Variants in ATAD2B observed in about 807,000 individuals in gnomAD.
The protein encoded by ATAD2B is ATPase family AAA domain-containing protein 2B.
A neutral mutation model predicts 167.6 loss-of-function variants in ATAD2B; 40 were observed. That is an observed-to-expected ratio of 0.24 (90% CI 0.19 to 0.31). The LOEUF is 0.31. Among genes scored for constraint, ATAD2B ranks in the 10% least tolerant of loss-of-function variants. The pLI is 1.00. For synonymous variants in ATAD2B, 579 were observed against 596.5 expected (o/e 0.97, Z 0.43); for missense variants, 1,242 against 1,757.2 (o/e 0.71, Z 5.24).
chr2:23,792,473 A>C (rs1681912143), intron 19 of ATAD2B, among the ~76,000 whole-genome samples: 1 of 152,064 alleles, frequency 6.6e-6, no homozygotes, highest in Non-Finnish European at 1.5e-5. Flanking sequence ...GATCTAAAAA[A>C]AAAAAAAAGA....
intron 23 of ATAD2B, among the ~76,000 whole-genome samples, chr2:23,763,393 A>G (rs1269925149): frequency 6.6e-6 from 1 of 152,214 alleles, no homozygotes; most frequent in Non-Finnish European, 1.5e-5. Context: ...CACCTGTTTT[A>G]AGTGTACAAT....
chr2:23,854,207 T>C (rs1692999505), intron 13 of ATAD2B, among the ~76,000 whole-genome samples: 1 of 151,746 alleles, frequency 6.6e-6, no homozygotes, highest in Admixed American at 6.6e-5. Context: ...ATCGCGCGAC[T>C]GCACTCCAGC....
chr2:23,847,627 T>C (rs1691872638), intron 13 of ATAD2B, among the ~76,000 whole-genome samples: 1 of 151,476 alleles, frequency 6.6e-6, no homozygotes, highest in Non-Finnish European at 1.5e-5. Context: ...CACTACAGCC[T>C]TGGTGAAGGG....
chr2:23,705,826 C>T, the ATAD2B span, among the ~76,000 whole-genome samples: 1 of 152,112 alleles, frequency 6.6e-6, no homozygotes. Flanking sequence ...AGCTGAAATG[C>T]ATTAAGGGAG....
intron 13 of ATAD2B, among the ~76,000 whole-genome samples, chr2:23,847,753 G>A (rs1006849849): frequency 5.3e-5 from 8 of 151,798 alleles, no homozygotes; most frequent in African/African-American, 7.2e-5. Flanking sequence ...TTGGGAGACC[G>A]ATGTGGGCGG....
At position 23,798,233 on chromosome 2, in the gene ATAD2B, C is replaced by T; in HGVS notation, c.2545G>A (p.Ala849Thr). The change falls in exon 19 of 28, where the codon GCA becomes ACA. Residue 849 changes from alanine to threonine, a missense_variant. Around this residue, in one of 9 missense-constraint regions of ATAD2B, gnomAD observed 34 missense variants for 101.1 expected, o/e 0.34. Coordinates refer to ENST00000238789, the MANE Select transcript of ATAD2B (RefSeq NM_017552.4). ...WWEAVSETVRATFLTLLQDIP... is the reference protein window; with the variant it reads ...WWEAVSETVRTTFLTLLQDIP... ...TCTTGTAGCAATGTCAGAAAAGTTG[C>T]TCTCACAGTTTCACTGACAGCTTCC... 1.2e-6 allele frequency: 2 copies of T among 1,610,360 alleles called. No homozygotes were observed. The highest frequency in any genetic ancestry group is 1.7e-6 in the Non-Finnish European group (2 of 1,177,210).
At chr2:23,877,710 A>AAAAATAAAT (rs1558712831) in intron 7 of ATAD2B, among the ~76,000 whole-genome samples, 7 of 150,530 alleles carry the variant, frequency 4.7e-5, no homozygotes, top group Non-Finnish European at 8.9e-5. Flanking sequence ...CATCTGTAAT[A>AAAAATAAAT]AAAATACAAA....
intron 2 of ATAD2B, among the ~76,000 whole-genome samples, chr2:23,889,127 G>A (rs575426682): frequency 3.7e-4 from 57 of 152,144 alleles, no homozygotes; most frequent in South Asian, 1.2e-3. Flanking sequence ...AAAAAACTAG[G>A]GAAAGGACAT....
At chr2:23,791,784 A>T (rs559057562) in intron 19 of ATAD2B, among the ~76,000 whole-genome samples, 41 of 152,282 alleles carry the variant, frequency 2.7e-4, no homozygotes, top group Admixed American at 1.4e-3. Context: ...TCAACTATCA[A>T]TGGACACTGA....
chr2:23,788,831 C>T (rs1301055801), intron 19 of ATAD2B, among the ~76,000 whole-genome samples, 184 bp from the exon 20 acceptor site: 1 of 151,930 alleles, frequency 6.6e-6, no homozygotes, highest in African/African-American at 2.4e-5. Flanking sequence ...ATGGGCTAAA[C>T]AGGAATGGAA....
intron 13 of ATAD2B, among the ~76,000 whole-genome samples, chr2:23,851,962 T>C (rs1008783663): frequency 1.0e-4 from 15 of 148,580 alleles, no homozygotes; most frequent in Non-Finnish European, 2.2e-4. Context: ...CCATCGGAAA[T>C]GAAAAGAATA....
chr2:23,882,932 T>C (rs918265985), intron 6 of ATAD2B, among the ~76,000 whole-genome samples: 4 of 151,606 alleles, frequency 2.6e-5, no homozygotes, highest in South Asian at 2.1e-4. Flanking sequence ...TATTAAAGCA[T>C]AGAAAAAAAT....
intron 24 of ATAD2B, among the ~76,000 whole-genome samples, chr2:23,760,632 C>A (rs1676536488): frequency 6.7e-6 from 1 of 149,176 alleles, no homozygotes; most frequent in African/African-American, 2.5e-5. Flanking sequence ...CCACTGCACT[C>A]CAGCCTGGGC....
chr2:23,904,548 T>C (rs1285336766), intron 1 of ATAD2B, among the ~76,000 whole-genome samples: 1 of 150,510 alleles, frequency 6.6e-6, no homozygotes, highest in Non-Finnish European at 1.5e-5. Flanking sequence ...TTTTTTTTTT[T>C]TTTTTTCTTT....
chr2:23,821,708 C>T (rs1454009277), intron 16 of ATAD2B, among the ~76,000 whole-genome samples: 1 of 152,214 alleles, frequency 6.6e-6, no homozygotes, highest in African/African-American at 2.4e-5. Flanking sequence ...AATCAAAAGA[C>T]ATTACTTTCC....
the ATAD2B span, among the ~76,000 whole-genome samples, chr2:23,717,575 G>A: frequency 6.6e-6 from 1 of 152,110 alleles, no homozygotes; most frequent in Non-Finnish European, 1.5e-5. Context: ...AAAAATAACA[G>A]GAGAGAGAGC....
At chr2:23,815,725 GAAGAA>G (rs1686339025) in intron 17 of ATAD2B, among the ~76,000 whole-genome samples, 1 of 152,098 alleles carries the variant, frequency 6.6e-6, no homozygotes, top group East Asian at 1.9e-4. Context: ...ACAACTAGTG[GAAGAA>G]AAGCACAACT....
chr2:23,744,668 G>A (rs564495599), downstream of ATAD2B, among the ~76,000 whole-genome samples: 1 of 152,246 alleles, frequency 6.6e-6, no homozygotes, highest in Non-Finnish European at 1.5e-5. Context: ...GTCACATGTT[G>A]CATAGCCAAG....
At chr2:23,910,199 C>T (rs970237351) in intron 1 of ATAD2B, among the ~76,000 whole-genome samples, 2 of 102,342 alleles carry the variant, frequency 2.0e-5, no homozygotes, top group African/African-American at 4.0e-5. Flanking sequence ...TTTTTTTAGA[C>T]AAGAGTTTTG....
Sources: gnomAD v4.1 joint callset for allele counts (sites outside exome capture counted in the v4.1 genomes callset) on GRCh38, gnomAD v4.1.1 for gene constraint, gnomAD v4.1.1 regional missense constraint, MANE v1.5 for transcripts, NCBI Gene and HGNC (gene_info 2026-07-23, HGNC 2026-07-21) for gene names.